Variants in INPP5D observed in about 807,000 individuals in gnomAD.
The protein encoded by INPP5D is inositol polyphosphate-5-phosphatase D, also known as phosphatidylinositol 3,4,5-trisphosphate 5-phosphatase 1.
Under a neutral mutation model 122.9 loss-of-function variants are expected in INPP5D, and 33 were observed. The ratio of observed to expected loss-of-function variants is 0.27; its 90% confidence interval spans 0.20 to 0.36. INPP5D has a LOEUF of 0.36. INPP5D is among the 10% of genes least tolerant of loss of function. The probability of loss-of-function intolerance (pLI) is 1.00; values close to 1 mark genes in which losing one functional copy is unlikely to be tolerated. For synonymous variants in INPP5D, 584 were observed against 576.2 expected (o/e 1.01, Z -0.19); for missense variants, 1,053 against 1,412.7 (o/e 0.75, Z 4.08).
At chr2:233,157,749 A>G (rs552446289) in intron 9 of INPP5D, among the ~76,000 whole-genome samples, 2 of 141,704 alleles carry the variant, frequency 1.4e-5, no homozygotes, top group Admixed American at 6.9e-5. Context: ...TAATCTAAGC[A>G]TTTTTTTTTT....
chr2:233,133,767 G>A (rs995119457), intron 5 of INPP5D, among the ~76,000 whole-genome samples: 5 of 152,082 alleles, frequency 3.3e-5, no homozygotes, highest in Admixed American at 2.0e-4. Context: ...AGTGGTGGAG[G>A]ATGCATCCTA....
At chr2:233,181,444 G>C (rs945220022) in intron 18 of INPP5D, among the ~76,000 whole-genome samples, 4 of 151,810 alleles carry the variant, frequency 2.6e-5, no homozygotes, top group African/African-American at 4.8e-5. Flanking sequence ...CTCATCCTTC[G>C]TGTGAAAGCC....
intron 9 of INPP5D, among the ~76,000 whole-genome samples, chr2:233,156,288 C>T (rs908229031): frequency 1.5e-4 from 23 of 152,102 alleles, no homozygotes; most frequent in African/African-American, 4.8e-4. Context: ...GCCAGGTTCA[C>T]ACTTCCTTCT....
At chr2:233,088,255 A>G (rs1359409766) in intron 2 of INPP5D, among the ~76,000 whole-genome samples, 3 of 152,174 alleles carry the variant, frequency 2.0e-5, no homozygotes, top group Non-Finnish European at 2.9e-5. Context: ...GATTACAGGC[A>G]TGAGCCACCA....
chr2:233,197,767 C>G lies in INPP5D; in HGVS notation c.2694-328C>G, dbSNP rs556946198. Among the ~76,000 whole-genome samples the G allele has an allele frequency of 6.6e-6, 1 of 152,332 alleles. No individual in the cohort carries two copies. Among genetic ancestry groups the G allele is most frequent in the South Asian group, 2.1e-4 (1 of 4,826 alleles). On this transcript the variant is annotated intron_variant, in intron 24 of 26. Coordinates refer to ENST00000445964, the MANE Select transcript of INPP5D (RefSeq NM_001017915.3). The surrounding 1 kb of genome is among the most constrained non-coding windows in gnomAD (Gnocchi z 4.4). ...TCTGCCCCTTGTTATTCTCAGACTT[C>G]AGCACTACATCAATACCGTGTCTCT...
At chr2:233,074,991 G>A (rs974555791) in intron 1 of INPP5D, among the ~76,000 whole-genome samples, 1 of 152,204 alleles carries the variant, frequency 6.6e-6, no homozygotes, top group African/African-American at 2.4e-5. Flanking sequence ...CTACTTCCAC[G>A]GGCTTGTCCT....
intron 2 of INPP5D, among the ~76,000 whole-genome samples, chr2:233,095,810 T>C (rs957004508): frequency 1.3e-5 from 2 of 152,200 alleles, no homozygotes; most frequent in African/African-American, 4.8e-5. Flanking sequence ...CCTTCTCCTA[T>C]TGGTAACCCT....
intron 9 of INPP5D, among the ~76,000 whole-genome samples, chr2:233,151,732 C>T (rs1032736263): frequency 6.6e-6 from 1 of 152,144 alleles, no homozygotes; most frequent in East Asian, 1.9e-4. Context: ...TGTTGTTAAC[C>T]ACTAAATCCC....
chr2:233,101,624 ATATAT>A (rs943266627), intron 2 of INPP5D, among the ~76,000 whole-genome samples: 6 of 145,536 alleles, frequency 4.1e-5, no homozygotes, highest in African/African-American at 1.5e-4. Flanking sequence ...ATATATAATT[ATATAT>A]TATATTATTA....
intron 6 of INPP5D, chr2:233,145,334 C>T (rs144256677): frequency 2.4e-5 from 11 of 456,168 alleles, no homozygotes; most frequent in African/African-American, 4.0e-5. Flanking sequence ...CTTAACGGAG[C>T]ATCTTCGTTG....
intron 25 of INPP5D, among the ~76,000 whole-genome samples, chr2:233,202,041 G>A (rs561767080): frequency 6.6e-6 from 1 of 152,130 alleles, no homozygotes; most frequent in South Asian, 2.1e-4. Flanking sequence ...CTCTTAGAGG[G>A]AAGGCTTCCC....
chr2:233,191,446 C>T (rs1055693915), intron 22 of INPP5D, among the ~76,000 whole-genome samples: 2 of 152,178 alleles, frequency 1.3e-5, no homozygotes, highest in Non-Finnish European at 2.9e-5. Flanking sequence ...AGGGTCTGAG[C>T]GGCTGCATGA....
intron 13 of INPP5D, among the ~76,000 whole-genome samples, chr2:233,167,962 G>A (rs1380133325): frequency 1.6e-5 from 2 of 128,568 alleles, no homozygotes; most frequent in African/African-American, 6.0e-5. Flanking sequence ...CAGAGATCGC[G>A]CCACTGCACT....
chr2:233,148,464 G>A (rs764011072), intron 9 of INPP5D, among the ~76,000 whole-genome samples: 2 of 152,184 alleles, frequency 1.3e-5, no homozygotes, highest in Non-Finnish European at 2.9e-5. Context: ...TCGGGCAGGG[G>A]TCTGAGGGAA....
intron 5 of INPP5D, among the ~76,000 whole-genome samples, chr2:233,137,748 C>T (rs1417625101): frequency 6.8e-6 from 1 of 146,030 alleles, no homozygotes; most frequent in African/African-American, 2.5e-5. Flanking sequence ...GCCACCACAC[C>T]TGGCCCCATT....
rs917708861 is a variant in INPP5D, at chr2:233,100,708, C to T, written c.198+21310C>T. Among the ~76,000 whole-genome samples, 1 of 152,212 alleles carries T rather than the reference C, an allele frequency of 6.6e-6. No homozygotes were observed. Among genetic ancestry groups the T allele is most frequent in the Non-Finnish European group, 1.5e-5 (1 of 68,034 alleles). ...GGGGTTTGGTCCCAGTTCCTCAGAG[C>T]AGTGACTTTCAGTTCCTTTGCAGGT... On this transcript the variant is annotated intron_variant, in intron 2 of 26. Coordinates refer to ENST00000445964, the MANE Select transcript of INPP5D (RefSeq NM_001017915.3). This position sits in a 1 kb window ranked among gnomAD's most constrained non-coding sequence, Gnocchi z 5.3.
chr2:233,128,508 C>T lies in INPP5D; in HGVS notation c.525-2000C>T, dbSNP rs757499504. Among the ~76,000 whole-genome samples, 1 of 152,114 alleles carries T rather than the reference C, an allele frequency of 6.6e-6. No homozygotes were observed. The highest frequency in any genetic ancestry group is 1.9e-4 in the East Asian group (1 of 5,184). Reference sequence around the variant, plus strand: ...CAGTATTTTTTTTGAGATGGAGTCTCGCTCTGTCACCCAAGCTGGAACACA... The same window carrying T: ...CAGTATTTTTTTTGAGATGGAGTCTTGCTCTGTCACCCAAGCTGGAACACA... On this transcript the variant is annotated intron_variant, in intron 4 of 26. Transcript: ENST00000445964. This position sits in a 1 kb window ranked among gnomAD's most constrained non-coding sequence, Gnocchi z 4.5.
chr2:233,201,445 AG>A (rs1333873256), intron 25 of INPP5D, among the ~76,000 whole-genome samples: 1 of 152,196 alleles, frequency 6.6e-6, no homozygotes, highest in Non-Finnish European at 1.5e-5. Context: ...AGGGGCCCCC[AG>A]GGTACGCTTC....
Position 233,125,931 on chromosome 2 carries a change from C to T in INPP5D, c.524+12C>T. 4 of 1,610,766 alleles carry T rather than the reference C, an allele frequency of 2.5e-6. No individual in the cohort carries two copies. The highest frequency in any genetic ancestry group is 3.4e-6 in the Non-Finnish European group (4 of 1,178,216). ...ATGGACACCAGTGGGTGAGTCCCCA[C>T]TCAAGTCCAGCTGGGCCTTCATCTG... On this transcript the variant is annotated intron_variant, in intron 4 of 26. Coordinates refer to ENST00000445964, the MANE Select transcript of INPP5D (RefSeq NM_001017915.3).
Sources: allele counts gnomAD v4.1 joint callset (sites outside exome capture counted in the v4.1 genomes callset), GRCh38; gene constraint gnomAD v4.1.1; non-coding constraint Gnocchi (gnomAD v3.1); transcripts MANE v1.5; gene names NCBI Gene and HGNC (gene_info 2026-07-23, HGNC 2026-07-21).